The following PWWP3B variants were observed in gnomAD, a reference collection of about 807,000 sequenced individuals.
PWWP3B encodes the protein PWWP domain-containing DNA repair factor 3B.
In PWWP3B, 5 loss-of-function variants were observed where a neutral mutation model predicts 15.7. The observed-to-expected ratio is 0.32, with a 90% confidence interval of 0.17 to 0.67. PWWP3B has a LOEUF of 0.67. Among genes scored for constraint, PWWP3B ranks in the 30% least tolerant of loss-of-function variants. PWWP3B has a pLI of 0.74. For missense variants in PWWP3B, 519 were observed against 493.1 expected, an observed-to-expected ratio of 1.05 and a Z score of -0.50; for synonymous variants, 203 against 179.8, an observed-to-expected ratio of 1.13 and a Z score of -1.03.
Position 106,205,930 on chromosome X carries a change from T to C in PWWP3B, c.498T>C (p.Asp166=). 8.3e-7 allele frequency: 1 copy of C among 1,211,065 alleles called. No individual in the cohort carries two copies. The highest frequency in any genetic ancestry group is 1.8e-5 in the South Asian group (1 of 56,743). The part of the protein sequence containing the change: ...ASSESDDSLY[D]DKSQAPTMVD... ...CAGAGAGTGATGATTCCCTGTATGA[T>C]GATAAATCACAAGCACCCACAATGG... The change falls in exon 4 of 4, where the codon GAT becomes GAC. Residue 166 remains aspartate (D), a synonymous_variant. Coordinates refer to ENST00000357175, the MANE Select transcript of PWWP3B (RefSeq NM_001171020.2).
intron 2 of PWWP3B, among the ~76,000 whole-genome samples, chrX:106,198,659 A>G (rs2147628446): frequency 8.9e-6 from 1 of 111,950 alleles, no homozygotes; most frequent in Non-Finnish European, 1.9e-5. Context: ...TGCTATTATT[A>G]GTTATCCTTT....
rs1924170800 is a variant in PWWP3B at position 106,208,427 on chromosome X, C to T, written c.*904C>T. On this transcript the variant is annotated 3_prime_UTR_variant, in exon 4 of 4. Transcript: ENST00000357175. ...TGAATCCAGGCTGACTGCTTAAGTG[C>T]CCATCTCGTTTGATATAAACTGTAG... 2 of 123,889 alleles carry T rather than the reference C, an allele frequency of 1.6e-5. No individual in the cohort carries two copies. Among genetic ancestry groups the T allele is most frequent in the South Asian group, 7.3e-4 (2 of 2,722 alleles). 10.2% of individuals were successfully genotyped at this position (123,889 alleles called of 1,213,427 possible). A position where few individuals can be genotyped will look rare whatever the true frequency, so the allele number is the denominator to read the frequency against.
chrX:106,189,639 A>G (rs748233033), intron 2 of PWWP3B, among the ~76,000 whole-genome samples: 11 of 83,243 alleles, frequency 1.3e-4, no homozygotes, highest in Non-Finnish European at 2.2e-4. Flanking sequence ...TTTTTCTGAG[A>G]CGGAGTCTCG....
Position 106,184,490 on chromosome X carries a change from G to A in PWWP3B, c.-401+13351G>A, listed in dbSNP as rs1230179800. On this transcript the variant is annotated intron_variant, in intron 2 of 3. Transcript: ENST00000357175. Reference sequence around the variant, plus strand: ...TGCAATTCCAGTCCCCATGATCTGAGTCGAGGTCCCAGTAGGGATCCATTA... The same window carrying A: ...TGCAATTCCAGTCCCCATGATCTGAATCGAGGTCCCAGTAGGGATCCATTA... Among the ~76,000 whole-genome samples the A allele has an allele frequency of 2.7e-5, 3 of 111,468 alleles. No homozygotes were observed. In the East Asian group the frequency reaches 8.5e-4, roughly 32 times the overall value.
chrX:106,169,218 G>A (rs1178391532), intron 1 of PWWP3B, among the ~76,000 whole-genome samples: 1 of 111,319 alleles, frequency 9.0e-6, no homozygotes, highest in African/African-American at 3.3e-5. Flanking sequence ...TAAAATCATG[G>A]GGAAAAGCTA....
At chrX:106,193,984 C>G (rs1923190953) in intron 2 of PWWP3B, among the ~76,000 whole-genome samples, 1 of 111,642 alleles carries the variant, frequency 9.0e-6, no homozygotes, top group East Asian at 2.8e-4. Flanking sequence ...TTTTTTCCTT[C>G]ATTTCAACTT....
chrX:106,206,676 G>T lies in PWWP3B; in HGVS notation c.1244G>T (p.Arg415Leu). 1 of 1,209,466 alleles carries T rather than the reference G, an allele frequency of 8.3e-7. No individual in the cohort carries two copies. Among genetic ancestry groups the T allele is most frequent in the Non-Finnish European group, 1.1e-6 (1 of 894,356 alleles). ...FWPAVIKSIR[R>L]KERKASVLFV... ...CCAGCAGTGATAAAAAGTATCAGAC[G>T]AAAAGAGAGGAAAGCAAGTGTGCTT... The change falls in exon 4 of 4, where the codon CGA becomes CTA. Residue 415 changes from arginine to leucine, a missense_variant. Transcript: ENST00000357175.
chrX:106,178,552 G>C (rs774130158), intron 2 of PWWP3B, among the ~76,000 whole-genome samples: 4 of 111,866 alleles, frequency 3.6e-5, no homozygotes, highest in Non-Finnish European at 7.5e-5. Flanking sequence ...CACTATTTTT[G>C]AAAAATTCTT....
chrX:106,203,956 G>A (rs938616914), intron 2 of PWWP3B, 29 bp from the exon 3 acceptor site: 1 of 112,141 alleles, frequency 8.9e-6, no homozygotes, highest in African/African-American at 3.2e-5. Flanking sequence ...CATTTCGTTG[G>A]TTTTATTCCC....
Position 106,207,695 on chromosome X carries a change from T to A in PWWP3B, c.*172T>A. The A allele has an allele frequency of 2.4e-6, 1 of 412,131 alleles. No homozygotes were observed. Among genetic ancestry groups the A allele is most frequent in the East Asian group, 4.2e-5 (1 of 23,692 alleles). The allele number at this position is 412,131 out of a possible 1,213,427, so 34.0% of individuals were successfully genotyped here. ...GTTATAATTACATCTTTATTTCCTT[T>A]TCTTGCGCTTCTTCAAAGTTAATTT... On this transcript the variant is annotated 3_prime_UTR_variant, in exon 4 of 4. Transcript: ENST00000357175.
chrX:106,203,852 C>T (rs1923839948), intron 2 of PWWP3B, 133 bp from the exon 3 acceptor site: 1 of 112,345 alleles, frequency 8.9e-6, no homozygotes, highest in Non-Finnish European at 1.9e-5. Context: ...ATAAACATGG[C>T]ATCTACATCA....
At position 106,206,358 on chromosome X, in the gene PWWP3B, G is replaced by A; in HGVS notation, c.926G>A (p.Cys309Tyr). The change falls in exon 4 of 4, where the codon TGC becomes TAC. Residue 309 changes from cysteine (C) to tyrosine (Y), a missense_variant. Transcript: ENST00000357175. ...SMESEMGAAACPGSCSRECEV... is the reference protein window; with the variant it reads ...SMESEMGAAAYPGSCSRECEV... ...GAATCAGAGATGGGGGCTGCAGCAT[G>A]CCCTGGGAGTTGTTCAAGGGAATGC... The A allele has an allele frequency of 4.2e-6, 5 of 1,203,490 alleles. No homozygotes were observed. The highest frequency in any genetic ancestry group is 5.6e-6 in the Non-Finnish European group (5 of 890,846).
chrX:106,191,027 G>A (rs1400679552), intron 2 of PWWP3B, among the ~76,000 whole-genome samples: 4 of 110,601 alleles, frequency 3.6e-5, no homozygotes, highest in African/African-American at 1.3e-4. Flanking sequence ...TGGCGATGCG[G>A]GCTCTTTTTT....
intron 1 of PWWP3B, among the ~76,000 whole-genome samples, chrX:106,170,360 A>G (rs1481533828): frequency 1.8e-5 from 2 of 112,120 alleles, no homozygotes; most frequent in Non-Finnish European, 3.8e-5. Flanking sequence ...CAAAAGATGT[A>G]GAAAGATATA....
At chrX:106,190,591 T>C (rs2147612828) in intron 2 of PWWP3B, among the ~76,000 whole-genome samples, 1 of 112,156 alleles carries the variant, frequency 8.9e-6, no homozygotes, top group African/African-American at 3.2e-5. Flanking sequence ...GCCATTGCTC[T>C]TGGTGTTTTA....
chrX:106,180,519 C>T (rs193011863), intron 2 of PWWP3B, among the ~76,000 whole-genome samples: 3 of 111,515 alleles, frequency 2.7e-5, no homozygotes, highest in East Asian at 2.8e-4. Context: ...AAATGTATAC[C>T]CTCTAGTATT....
intron 2 of PWWP3B, among the ~76,000 whole-genome samples, chrX:106,199,919 C>T (rs1923599807): frequency 9.0e-6 from 1 of 111,590 alleles, no homozygotes. Flanking sequence ...AAACCAGTAA[C>T]AGAAGTCTAT....
intron 2 of PWWP3B, among the ~76,000 whole-genome samples, chrX:106,196,472 A>G (rs1923380169): frequency 9.1e-6 from 1 of 109,635 alleles, no homozygotes; most frequent in Non-Finnish European, 1.9e-5. Flanking sequence ...GATCCATTAA[A>G]CTCTTACTAT....
Position 106,205,428 on chromosome X carries a change from C to T in PWWP3B, c.-5C>T. On this transcript the variant is annotated 5_prime_UTR_variant, in exon 4 of 4. Coordinates refer to ENST00000357175, the MANE Select transcript of PWWP3B (RefSeq NM_001171020.2). Reference sequence around the variant, plus strand: ...ATAACCCTTGGCACACAAATATAAACCATAATGGAGTCTGAGTATGTCCTA... The same window carrying T: ...ATAACCCTTGGCACACAAATATAAATCATAATGGAGTCTGAGTATGTCCTA... 1 of 1,133,994 alleles carries T rather than the reference C, an allele frequency of 8.8e-7. No homozygotes were observed. The highest frequency in any genetic ancestry group is 1.2e-6 in the Non-Finnish European group (1 of 859,862). The allele number at this position is 1,133,994 out of a possible 1,213,427, so 93.5% of individuals were successfully genotyped here.
Sources: allele counts gnomAD v4.1 joint callset (sites outside exome capture counted in the v4.1 genomes callset), GRCh38; gene constraint gnomAD v4.1.1; transcripts MANE v1.5; gene names NCBI Gene and HGNC (gene_info 2026-07-23, HGNC 2026-07-21).